The following DSCAM variants were observed in gnomAD, a reference collection of about 807,000 sequenced individuals.
The protein encoded by DSCAM is DS cell adhesion molecule, also known as cell adhesion molecule DSCAM.
In DSCAM, 47 loss-of-function variants were observed where a neutral mutation model predicts 217.7. The observed-to-expected ratio is 0.22, with a 90% CI of 0.17 to 0.28. DSCAM has a LOEUF of 0.28. Ranked by LOEUF, DSCAM falls within the 10% of genes least tolerant of loss-of-function variation. The pLI, the probability that DSCAM is intolerant of heterozygous loss-of-function variation, is 1.00. For synonymous variants in DSCAM, 1,056 were observed against 1,015.3 expected, an observed-to-expected ratio of 1.04 and a Z score of -0.76; for missense variants, 2,080 against 2,618.3, an observed-to-expected ratio of 0.79 and a Z score of 4.49.
In DSCAM at chr21:40,343,635, AATTG is replaced by A. The variant is rs2074523260; in HGVS notation, c.1210+4031_1210+4034del. Among the ~76,000 whole-genome samples the A allele has an allele frequency of 2.0e-5, 3 of 152,202 alleles. No individual in the cohort carries two copies. In the South Asian group the frequency reaches 6.2e-4, roughly 32 times the overall value. Reference sequence around the variant, plus strand: ...AATCTTGCATTATAAGATAAGCTCCAATTGATTTACACACACACACACACAATCT... The same window carrying A: ...AATCTTGCATTATAAGATAAGCTCCAATTTACACACACACACACACAATCT... On this transcript the variant is annotated intron_variant, in intron 6 of 32. Coordinates refer to ENST00000400454, the MANE Select transcript of DSCAM (RefSeq NM_001389.5).
chr21:40,474,783 C>A (rs895306001), intron 3 of DSCAM, among the ~76,000 whole-genome samples: 10 of 152,150 alleles, frequency 6.6e-5, no homozygotes, highest in Admixed American at 5.9e-4. Flanking sequence ...TGCGTTCTGC[C>A]TGGGAAGGGC....
intron 3 of DSCAM, among the ~76,000 whole-genome samples, chr21:40,454,274 C>T (rs2075745597): frequency 6.6e-6 from 1 of 152,194 alleles, no homozygotes; most frequent in Non-Finnish European, 1.5e-5. Flanking sequence ...TCAGCCTAGT[C>T]ACGTGTTCGT....
In DSCAM at chr21:40,217,816, G is replaced by C. The variant is rs1418334195; in HGVS notation, c.2357-28578C>G. On this transcript the variant is annotated intron_variant, in intron 11 of 32. Coordinates refer to ENST00000400454, the MANE Select transcript of DSCAM (RefSeq NM_001389.5). ...GTTGGCCACATATATGTCTTCTTTT[G>C]AGAAGTGTCTGTTCACGTCCTTTGC... 5.9e-5 allele frequency among the ~76,000 whole-genome samples: 9 copies of C among 152,138 alleles called. No individual in the cohort carries two copies. In the East Asian group the frequency reaches 1.7e-3, roughly 29 times the overall value.
At chr21:40,176,608 GC>G (rs1443469314) in intron 15 of DSCAM, among the ~76,000 whole-genome samples, 1 of 152,116 alleles carries the variant, frequency 6.6e-6, no homozygotes, top group Non-Finnish European at 1.5e-5. Context: ...TTTCAGTCAT[GC>G]AAACCTATGA....
intron 1 of DSCAM, among the ~76,000 whole-genome samples, chr21:40,783,806 A>C (rs913211895): frequency 1.3e-5 from 2 of 152,196 alleles, no homozygotes; most frequent in Non-Finnish European, 2.9e-5. Context: ...TGATGCTTTA[A>C]GGATGCCCAA....
At chr21:40,347,105 C>A (rs2074566393) in intron 6 of DSCAM, among the ~76,000 whole-genome samples, 1 of 152,064 alleles carries the variant, frequency 6.6e-6, no homozygotes, top group Non-Finnish European at 1.5e-5. Context: ...TGGAGACCAG[C>A]CTGACCAACA....
intron 3 of DSCAM, among the ~76,000 whole-genome samples, chr21:40,635,263 T>C (rs1168431862): frequency 6.6e-6 from 1 of 152,048 alleles, no homozygotes; most frequent in Non-Finnish European, 1.5e-5. Flanking sequence ...GAGGGAGGGA[T>C]GTCAGCAGGA....
intron 3 of DSCAM, among the ~76,000 whole-genome samples, chr21:40,386,974 A>T (rs954401497): frequency 3.3e-5 from 5 of 149,986 alleles, no homozygotes; most frequent in African/African-American, 1.2e-4. Context: ...TTATTTTTCC[A>T]TTTTTTTTTC....
chr21:40,584,440 G>A (rs189812549), intron 3 of DSCAM, among the ~76,000 whole-genome samples: 2 of 152,270 alleles, frequency 1.3e-5, no homozygotes, highest in East Asian at 1.9e-4. Flanking sequence ...CAGAAGCGTC[G>A]GCAGCAGGGC....
chr21:40,420,373 C>A (rs1338130572), intron 3 of DSCAM, among the ~76,000 whole-genome samples: 2 of 152,144 alleles, frequency 1.3e-5, no homozygotes, highest in Non-Finnish European at 2.9e-5. Flanking sequence ...AAAGCCTCTA[C>A]ATTTGCTAAA....
intron 3 of DSCAM, among the ~76,000 whole-genome samples, chr21:40,634,834 A>G (rs373352915): frequency 2.4e-4 from 36 of 152,316 alleles, no homozygotes; most frequent in African/African-American, 8.4e-4. Flanking sequence ...AGAAACCTTC[A>G]CCAACCATCC....
At chr21:40,816,614 T>C (rs2091883872) in intron 1 of DSCAM, among the ~76,000 whole-genome samples, 1 of 152,082 alleles carries the variant, frequency 6.6e-6, no homozygotes, top group Admixed American at 6.6e-5. Flanking sequence ...TGGTTGATCC[T>C]CTGCATCAAA....
At chr21:40,115,415 G>C (rs905968860) in intron 20 of DSCAM, among the ~76,000 whole-genome samples, 2 of 152,144 alleles carry the variant, frequency 1.3e-5, no homozygotes, top group African/African-American at 4.8e-5. Flanking sequence ...AGCCTGTTGT[G>C]GGGTGCGGGG....
chr21:40,615,957 C>G (rs1327444878), intron 3 of DSCAM, among the ~76,000 whole-genome samples: 4 of 152,060 alleles, frequency 2.6e-5, no homozygotes, highest in Non-Finnish European at 5.9e-5. Flanking sequence ...AGCTCCCTTT[C>G]TGATAGAAAT....
chr21:40,338,551 T>C (rs1208134539), intron 7 of DSCAM, among the ~76,000 whole-genome samples, 175 bp from the exon 8 acceptor site: 1 of 152,252 alleles, frequency 6.6e-6, no homozygotes, highest in Non-Finnish European at 1.5e-5. Flanking sequence ...TTTTCTTTCC[T>C]TTTCTTAAAT....
intron 3 of DSCAM, among the ~76,000 whole-genome samples, chr21:40,528,540 G>A (rs2076417938): frequency 6.6e-6 from 1 of 152,274 alleles, no homozygotes; most frequent in South Asian, 2.1e-4. Context: ...CTTGAGCCAA[G>A]AATTTCTTCT....
At chr21:40,695,305 G>A (rs2090584177) in intron 2 of DSCAM, among the ~76,000 whole-genome samples, 1 of 151,842 alleles carries the variant, frequency 6.6e-6, no homozygotes, top group East Asian at 1.9e-4. Context: ...TAAAAATATG[G>A]GGTGACTGAC....
rs573766345 is a variant in DSCAM at position 40,715,847 on chromosome 21, T to C, written c.44-7076A>G. On this transcript the variant is annotated intron_variant, in intron 1 of 32. Coordinates refer to ENST00000400454, the MANE Select transcript of DSCAM (RefSeq NM_001389.5). Reference sequence around the variant, plus strand: ...TTTCTATCAACCCGACTGTGGGTAATTTGAACTAAGCAAAATTTGGTCATA... The same window carrying C: ...TTTCTATCAACCCGACTGTGGGTAACTTGAACTAAGCAAAATTTGGTCATA... 4.7e-4 allele frequency among the ~76,000 whole-genome samples: 72 copies of C among 152,322 alleles called. 1 individual carries two copies. In the South Asian group the frequency reaches 6.0e-3, roughly 13 times the overall value.
intron 1 of DSCAM, among the ~76,000 whole-genome samples, chr21:40,827,492 G>GA (rs2091979738): frequency 7.1e-6 from 1 of 140,676 alleles, no homozygotes; most frequent in African/African-American, 2.6e-5. Context: ...AAAAAGAAAA[G>GA]AAAGAAAGAA....
Sources: allele counts gnomAD v4.1 joint callset (sites outside exome capture counted in the v4.1 genomes callset), GRCh38; gene constraint gnomAD v4.1.1; transcripts MANE v1.5; gene names NCBI Gene and HGNC (gene_info 2026-07-23, HGNC 2026-07-21).